EMB: variants seen among roughly 807,000 people sequenced by gnomAD.
EMB encodes embigin homolog.
A neutral mutation model predicts 41.4 loss-of-function variants in EMB; 31 were observed. The ratio of observed to expected loss-of-function variants is 0.75; its 90% confidence interval spans 0.56 to 1.01. The LOEUF (loss-of-function observed/expected upper bound fraction) is 1.01, where lower values mean the gene tolerates loss of function less well. Among genes scored for constraint, EMB ranks in the 50% least tolerant of loss-of-function variants. The pLI, the probability that EMB is intolerant of heterozygous loss-of-function variation, is 0.00. For missense variants in EMB, 379 were observed against 388.3 expected, an observed-to-expected ratio of 0.98 and a Z score of 0.20; for synonymous variants, 137 against 140.4, an observed-to-expected ratio of 0.98 and a Z score of 0.17.
At position 50,405,709 on chromosome 5, in the gene EMB, C is replaced by T. The variant is rs779495693; in HGVS notation, c.600+16G>A. 6.4e-7 allele frequency: 1 copy of T among 1,562,182 alleles called. No homozygotes were observed. The highest frequency in any genetic ancestry group is 8.6e-7 in the Non-Finnish European group (1 of 1,160,192). On this transcript the variant is annotated intron_variant, in intron 5 of 8. Transcript: ENST00000303221. ...TCTGTTGTTGTTGTTTTCTTCAAAT[C>T]AAGGAACTATCTTACCTTTACACTC... is the stretch of plus-strand genomic sequence containing the variant.
intron 1 of EMB, among the ~76,000 whole-genome samples, chr5:50,434,527 T>C (rs1745772943): frequency 6.6e-6 from 1 of 152,216 alleles, no homozygotes; most frequent in African/African-American, 2.4e-5. Context: ...AGGAAAACAG[T>C]TATAGCTATT....
chr5:50,411,607 C>A (rs922288683), intron 2 of EMB: 13 of 361,018 alleles, frequency 3.6e-5, no homozygotes, highest in African/African-American at 1.7e-4. Flanking sequence ...TTAAAAAAAA[C>A]CTAAAGCTGT....
intron 1 of EMB, among the ~76,000 whole-genome samples, chr5:50,438,299 G>A (rs993554164): frequency 6.6e-6 from 1 of 152,148 alleles, no homozygotes; most frequent in Non-Finnish European, 1.5e-5. Context: ...GAAGGTCAAG[G>A]CTGCAGTGAG....
At chr5:50,425,609 A>T (rs1336593133) in intron 2 of EMB, among the ~76,000 whole-genome samples, 2 of 152,150 alleles carry the variant, frequency 1.3e-5, no homozygotes, top group African/African-American at 4.8e-5. Context: ...TTACCAAAAG[A>T]TCTGTTTTAA....
rs1319818353 is a variant in EMB, at chr5:50,405,805, C to A, written c.520G>T (p.Asp174Tyr). 1.9e-6 allele frequency: 3 copies of A among 1,603,198 alleles called. No individual in the cohort carries two copies. The highest frequency in any genetic ancestry group is 3.4e-5 in the Admixed American group (2 of 58,168). ...CATTTACATGTCAAGACAGTAGAATCCCCTACGTAAGAGATCAATGGCTTG... is the reference window on the plus strand; with the variant it reads ...CATTTACATGTCAAGACAGTAGAATACCCTACGTAAGAGATCAATGGCTTG... ...KNKPLISYVGDSTVLTCKCQN... is the reference protein window; with the variant it reads ...KNKPLISYVGYSTVLTCKCQN... Residue 174 changes from aspartate to tyrosine, a missense_variant, in exon 5 of 9, where the codon GAT becomes TAT. Asp to Tyr is a radical substitution (Grantham distance 160). Transcript: ENST00000303221.
At chr5:50,435,623 A>AT (rs1251710223) in intron 1 of EMB, among the ~76,000 whole-genome samples, 1 of 152,074 alleles carries the variant, frequency 6.6e-6, no homozygotes, top group Non-Finnish European at 1.5e-5. Flanking sequence ...ATGGCATACC[A>AT]TTTTTTTGGT....
chr5:50,400,199 T>C (rs1208013933), intron 7 of EMB, among the ~76,000 whole-genome samples: 1 of 152,020 alleles, frequency 6.6e-6, no homozygotes, highest in Non-Finnish European at 1.5e-5. Context: ...CCATAACTTA[T>C]GTGTGGTTTT....
intron 4 of EMB, among the ~76,000 whole-genome samples, chr5:50,410,387 T>C (rs1424517349): frequency 6.6e-6 from 1 of 152,162 alleles, no homozygotes; most frequent in Non-Finnish European, 1.5e-5. Flanking sequence ...GTGGCTTGTA[T>C]ATATCTTTAA....
rs150615827 is a variant in EMB, at chr5:50,413,914, G to A, written c.197-2531C>T. ...AAAGGGAGAGAGATGTCTTTGTATC[G>A]GACGTCAGGTGCTATGTTTGGGGCA... On this transcript the variant is annotated intron_variant, in intron 2 of 8. Coordinates refer to ENST00000303221, the MANE Select transcript of EMB (RefSeq NM_198449.3). Among the ~76,000 whole-genome samples the A allele has an allele frequency of 6.2e-4, 95 of 152,030 alleles. 4 individuals carry two copies. In the East Asian group the frequency reaches 0.015, roughly 24 times the overall value.
At chr5:50,415,467 T>C (rs1181751960) in intron 2 of EMB, among the ~76,000 whole-genome samples, 1 of 152,190 alleles carries the variant, frequency 6.6e-6, no homozygotes, top group African/African-American at 2.4e-5. Context: ...AACAGTAATA[T>C]AATATAGCAA....
At chr5:50,411,079 A>C in intron 3 of EMB, 114 bp from the exon 4 acceptor site, 1 of 1,176,196 alleles carries the variant, frequency 8.5e-7, no homozygotes, top group Non-Finnish European at 1.2e-6. Context: ...TAAATATGCA[A>C]ATTAGAATAT....
Position 50,434,548 on chromosome 5 carries a change from T to C in EMB, c.113-6321A>G, listed in dbSNP as rs567898141. Among the ~76,000 whole-genome samples the C allele has an allele frequency of 1.4e-4, 22 of 152,342 alleles. No individual in the cohort carries two copies. In the South Asian group the frequency reaches 4.4e-3, roughly 30 times the overall value. On this transcript the variant is annotated intron_variant, in intron 1 of 8. Coordinates refer to ENST00000303221, the MANE Select transcript of EMB (RefSeq NM_198449.3). ...ACAGTTATAGCTATTAGCTATCTCA[T>C]TGCTTTTGGCTAAGTTACAAAAGCA... is the stretch of plus-strand genomic sequence containing the variant.
At chr5:50,434,522 A>C (rs1745772847) in intron 1 of EMB, among the ~76,000 whole-genome samples, 1 of 152,220 alleles carries the variant, frequency 6.6e-6, no homozygotes, top group Non-Finnish European at 1.5e-5. Context: ...AAACCAGGAA[A>C]ACAGTTATAG....
chr5:50,441,887 A>G (rs1745921357), upstream of EMB, among the ~76,000 whole-genome samples: 1 of 152,210 alleles, frequency 6.6e-6, no homozygotes, highest in East Asian at 1.9e-4. Flanking sequence ...AGCAAAAGCT[A>G]CTGAGAGTAG....
At chr5:50,420,748 G>A (rs560978647) in intron 2 of EMB, among the ~76,000 whole-genome samples, 47 of 152,302 alleles carry the variant, frequency 3.1e-4, no homozygotes, top group African/African-American at 1.1e-3. Context: ...TGAAGTGGTT[G>A]TAGCTCCCGG....
At chr5:50,441,516 G>A (rs1033537149), upstream of EMB, 2 of 181,078 alleles carry the variant, frequency 1.1e-5, no homozygotes, top group East Asian at 1.3e-4. Flanking sequence ...GGGAGAGGTC[G>A]AAACTCTGCC....
chr5:50,419,256 AT>A (rs1745476524), intron 2 of EMB, among the ~76,000 whole-genome samples: 1 of 152,104 alleles, frequency 6.6e-6, no homozygotes, highest in Non-Finnish European at 1.5e-5. Context: ...AATCAAAATC[AT>A]CTCAAGCCAT....
chr5:50,433,467 T>C (rs1047591061), intron 1 of EMB, among the ~76,000 whole-genome samples: 2 of 152,162 alleles, frequency 1.3e-5, no homozygotes, highest in South Asian at 2.1e-4. Flanking sequence ...TAAAAACTTA[T>C]TAAAAAATAA....
Position 50,397,698 on chromosome 5 carries a change from T to A in EMB, c.*1575A>T, listed in dbSNP as rs1745092063. 1 of 152,050 alleles carries A rather than the reference T, an allele frequency of 6.6e-6. No homozygotes were observed. The allele number at this position is 152,050 out of a possible 1,614,324, so 9.4% of individuals were successfully genotyped here. A position where few individuals can be genotyped will look rare whatever the true frequency, so the allele number is the denominator to read the frequency against. ...TACCCAAGTAATGTTGTCAAAATAA[T>A]AATTAATTAAACTAAAATAAATGTA... On this transcript the variant is annotated 3_prime_UTR_variant, in exon 9 of 9. Transcript: ENST00000303221.
Sources: gnomAD v4.1 joint callset for allele counts (sites outside exome capture counted in the v4.1 genomes callset) on GRCh38, gnomAD v4.1.1 for gene constraint, MANE v1.5 for transcripts, NCBI Gene and HGNC (gene_info 2026-07-23, HGNC 2026-07-21) for gene names.